Variants in FBXL17 observed in about 807,000 individuals in gnomAD.
FBXL17 encodes F-box and leucine rich repeat protein 17.
A neutral mutation model predicts 66.2 loss-of-function variants in FBXL17; 22 were observed. The observed-to-expected ratio is 0.33, with a 90% CI of 0.24 to 0.47. The LOEUF (loss-of-function observed/expected upper bound fraction) is 0.47, where lower values mean the gene tolerates loss of function less well. FBXL17 is among the 20% of genes least tolerant of loss of function. The pLI, the probability that FBXL17 is intolerant of heterozygous loss-of-function variation, is 1.00. For synonymous variants in FBXL17, 474 were observed against 400.5 expected (o/e 1.18, Z -2.19); for missense variants, 878 against 948.2 (o/e 0.93, Z 0.97).
chr5:108,006,889 CT>C lies in FBXL17; in HGVS notation c.1822+14035del, dbSNP rs542855288. Reference sequence around the variant, plus strand: ...TATGCTATTGCTGTAATTTAACTCACTGTATGTGGGCTTCAAGATGCACAGT... The same window carrying C: ...TATGCTATTGCTGTAATTTAACTCACGTATGTGGGCTTCAAGATGCACAGT... On this transcript the variant is annotated intron_variant, in intron 7 of 8. Coordinates refer to ENST00000542267, the MANE Select transcript of FBXL17 (RefSeq NM_001163315.3). Among the ~76,000 whole-genome samples the C allele has an allele frequency of 3.7e-3, 571 of 152,280 alleles. 5 individuals are homozygous for C. Among genetic ancestry groups the C allele is most frequent in the African/African-American group, 0.013 (540 of 41,562 alleles).
At chr5:108,206,906 G>C (rs1469500568) in intron 5 of FBXL17, among the ~76,000 whole-genome samples, 1 of 152,034 alleles carries the variant, frequency 6.6e-6, no homozygotes. Flanking sequence ...GTATCATATA[G>C]CAGGTACACA....
intron 7 of FBXL17, among the ~76,000 whole-genome samples, chr5:107,943,313 C>T (rs1014450019): frequency 6.6e-6 from 1 of 152,078 alleles, no homozygotes; most frequent in Non-Finnish European, 1.5e-5. Flanking sequence ...ACTAAGCCTC[C>T]TTCCCTCACA....
At chr5:108,078,471 C>G (rs2149916157) in intron 6 of FBXL17, among the ~76,000 whole-genome samples, 1 of 152,274 alleles carries the variant, frequency 6.6e-6, no homozygotes, top group East Asian at 1.9e-4. Flanking sequence ...AGAAAGCCAG[C>G]AAACAGAAGT....
intron 4 of FBXL17, among the ~76,000 whole-genome samples, chr5:108,249,449 C>A (rs1265808186): frequency 6.6e-6 from 1 of 152,040 alleles, no homozygotes; most frequent in Admixed American, 6.6e-5. Flanking sequence ...CATTCTGTAC[C>A]AACATATTAA....
chr5:108,041,362 A>C (rs1747038275), intron 6 of FBXL17, among the ~76,000 whole-genome samples: 1 of 152,114 alleles, frequency 6.6e-6, no homozygotes, highest in Non-Finnish European at 1.5e-5. Context: ...TCATGCTAAG[A>C]ACCTTGAATT....
intron 6 of FBXL17, among the ~76,000 whole-genome samples, chr5:108,083,218 AACACACAC>A (rs756726228): frequency 1.4e-5 from 2 of 144,500 alleles, no homozygotes; most frequent in Admixed American, 7.0e-5. Context: ...CTCACCTCAG[AACACACAC>A]ACACACACAC....
chr5:108,310,000 A>G (rs569865897), intron 4 of FBXL17, among the ~76,000 whole-genome samples: 5 of 152,280 alleles, frequency 3.3e-5, no homozygotes, highest in African/African-American at 9.6e-5. Flanking sequence ...TTCCTCTGAA[A>G]TTGAATATTT....
intron 7 of FBXL17, among the ~76,000 whole-genome samples, chr5:107,970,892 T>C (rs1752346704): frequency 1.3e-5 from 2 of 152,116 alleles, no homozygotes; most frequent in African/African-American, 2.4e-5. Context: ...CTGGAAGAAA[T>C]GGAAGTTGCT....
intron 1 of FBXL17, among the ~76,000 whole-genome samples, chr5:108,379,282 T>C (rs1378704995): frequency 6.6e-6 from 1 of 152,186 alleles, no homozygotes; most frequent in East Asian, 1.9e-4. Context: ...GCAATCAAGT[T>C]TCTATACCAA....
intron 3 of FBXL17, among the ~76,000 whole-genome samples, chr5:108,358,480 A>T (rs1748139405): frequency 6.6e-6 from 1 of 152,022 alleles, no homozygotes; most frequent in South Asian, 2.1e-4. Flanking sequence ...AATGTGGTAT[A>T]TTACATTGAT....
chr5:108,273,941 C>T (rs1400099119), intron 4 of FBXL17, among the ~76,000 whole-genome samples: 1 of 151,924 alleles, frequency 6.6e-6, no homozygotes, highest in East Asian at 1.9e-4. Flanking sequence ...AAAATCTAGG[C>T]TAATGAATAC....
intron 4 of FBXL17, among the ~76,000 whole-genome samples, chr5:108,290,455 A>C (rs1758065959): frequency 6.6e-6 from 1 of 152,138 alleles, no homozygotes. Context: ...GGTAAGATTA[A>C]TCAGCTTTAG....
chr5:108,265,750 G>A (rs1223680653), intron 4 of FBXL17, among the ~76,000 whole-genome samples: 1 of 152,048 alleles, frequency 6.6e-6, no homozygotes, highest in Non-Finnish European at 1.5e-5. Context: ...CTAAACCAGA[G>A]CATCTCAAAT....
chr5:108,038,147 C>T (rs570488930), intron 6 of FBXL17, among the ~76,000 whole-genome samples: 5 of 152,120 alleles, frequency 3.3e-5, no homozygotes, highest in African/African-American at 1.2e-4. Flanking sequence ...GCTATATCAA[C>T]CAAATGAAAC....
chr5:108,159,110 AG>A (rs2150004769), intron 6 of FBXL17, among the ~76,000 whole-genome samples: 2 of 152,222 alleles, frequency 1.3e-5, no homozygotes, highest in East Asian at 3.8e-4. Flanking sequence ...AATAAAGATC[AG>A]AATGTCCTTG....
At chr5:108,335,233 C>A (rs976326191) in intron 4 of FBXL17, among the ~76,000 whole-genome samples, 11 of 147,590 alleles carry the variant, frequency 7.5e-5, no homozygotes, top group African/African-American at 2.0e-4. Context: ...TCCCCCACCC[C>A]CCCCCAACAC....
At chr5:108,363,901 TTAATA>T (rs934501113) in intron 3 of FBXL17, among the ~76,000 whole-genome samples, 9 of 152,022 alleles carry the variant, frequency 5.9e-5, no homozygotes, top group Admixed American at 2.6e-4. Flanking sequence ...AAAGATTAAT[TTAATA>T]TGTTTAAGAA....
intron 6 of FBXL17, among the ~76,000 whole-genome samples, chr5:108,157,259 A>G (rs925354751): frequency 1.3e-5 from 2 of 151,648 alleles, no homozygotes; most frequent in African/African-American, 4.8e-5. Context: ...AATAAATGAA[A>G]GGGGAAAGGT....
chr5:108,049,366 T>C (rs1747384805), intron 6 of FBXL17, among the ~76,000 whole-genome samples: 2 of 151,980 alleles, frequency 1.3e-5, no homozygotes, highest in Admixed American at 6.5e-5. Context: ...GCCAGGCTAG[T>C]CTTGAACCCA....
Sources: gnomAD v4.1 joint callset for allele counts (sites outside exome capture counted in the v4.1 genomes callset) on GRCh38, gnomAD v4.1.1 for gene constraint, MANE v1.5 for transcripts, NCBI Gene and HGNC (gene_info 2026-07-23, HGNC 2026-07-21) for gene names.